COL4A3: variants seen among roughly 807,000 people sequenced by gnomAD.
The protein encoded by COL4A3 is collagen alpha-3(IV) chain.
Under a neutral mutation model 217.4 loss-of-function variants are expected in COL4A3, and 135 were observed. The observed-to-expected ratio is 0.62, with a 90% confidence interval of 0.54 to 0.72. COL4A3 has a LOEUF of 0.72. COL4A3 is among the 30% of genes least tolerant of loss of function. COL4A3 has a pLI of 0.00. For missense variants in COL4A3, 1,868 were observed against 2,119.9 expected, an observed-to-expected ratio of 0.88 and a Z score of 2.33; for synonymous variants, 690 against 736.3, an observed-to-expected ratio of 0.94 and a Z score of 1.02.
intron 22 of COL4A3, 58 bp from the exon 23 acceptor site, chr2:227,266,935 G>T (rs2070930181): frequency 8.5e-7 from 1 of 1,169,864 alleles, no homozygotes; most frequent in African/African-American, 1.5e-5. Context: ...GAAAATATTT[G>T]TTCTTTCTGA....
chr2:227,231,812 G>A (rs13419029), intron 1 of COL4A3, among the ~76,000 whole-genome samples: 48,747 of 152,028 alleles, frequency 0.32, 8,248 homozygotes, highest in Non-Finnish European at 0.36. Context: ...GATTATAGGC[G>A]TGAACCCTCG....
chr2:227,304,267 C>T, intron 46 of COL4A3, 123 bp downstream of exon 46: 1 of 1,306,668 alleles, frequency 7.7e-7, no homozygotes, highest in South Asian at 1.2e-5. Context: ...GTGGTTTTCA[C>T]AATCAGTCTT....
intron 1 of COL4A3, among the ~76,000 whole-genome samples, chr2:227,204,733 G>A (rs1023081505): frequency 1.3e-5 from 2 of 152,200 alleles, no homozygotes; most frequent in African/African-American, 4.8e-5. Flanking sequence ...CTCTTAAGCC[G>A]TTCATGCGTA....
intron 38 of COL4A3, chr2:227,293,640 T>C (rs1233594793): frequency 6.4e-6 from 3 of 467,668 alleles, no homozygotes; most frequent in Non-Finnish European, 1.3e-5. Context: ...CAGGCTTCCA[T>C]AGTGAATTCC....
intron 1 of COL4A3, among the ~76,000 whole-genome samples, chr2:227,172,208 A>T (rs1258884425): frequency 1.3e-5 from 2 of 152,170 alleles, no homozygotes; most frequent in Non-Finnish European, 2.9e-5. Flanking sequence ...ATTTCTTGGG[A>T]GACTGCCTTT....
chr2:227,191,406 A>G lies in COL4A3; in HGVS notation c.87+26593A>G, dbSNP rs574366186. 3.3e-5 allele frequency among the ~76,000 whole-genome samples: 5 copies of G among 152,340 alleles called. No homozygotes were observed. The East Asian group carries it at 9.6e-4, about 29-fold the overall frequency. On this transcript the variant is annotated intron_variant, in intron 1 of 51. Transcript: ENST00000396578. The surrounding 1 kb of genome is among the most constrained non-coding windows in gnomAD (Gnocchi z 6.8). ...AGTGGGTGAGGGGGCAGGAAGAACA[A>G]TAAAGAAAGCTAAGAAGTGTTTTGA...
rs373227102 is a variant in COL4A3, at chr2:227,303,035, T to A, written c.3883-3T>A. 1 of 1,597,962 alleles carries A rather than the reference T, an allele frequency of 6.3e-7. No individual in the cohort carries two copies. The highest frequency in any genetic ancestry group is 8.6e-7 in the Non-Finnish European group (1 of 1,165,222). The stretch of plus-strand genomic sequence containing the variant: ...GGTTCTGCTCCCTTTATTTGAAATA[T>A]AGGGAGCACCAGGTACTCCAGGTCT... On this transcript the variant is annotated splice_region_variant and splice_polypyrimidine_tract_variant and intron_variant, in intron 43 of 51. Transcript: ENST00000396578.
At chr2:227,285,606 A>C (rs1412493928) in intron 34 of COL4A3, among the ~76,000 whole-genome samples, 1 of 152,208 alleles carries the variant, frequency 6.6e-6, no homozygotes, top group Non-Finnish European at 1.5e-5. Context: ...AGATTATTTA[A>C]GTAGTGTTAG....
intron 32 of COL4A3, among the ~76,000 whole-genome samples, chr2:227,283,230 C>T (rs186151420): frequency 2.0e-5 from 3 of 152,038 alleles, no homozygotes; most frequent in East Asian, 3.9e-4. Context: ...TATTCTGTTC[C>T]CTCATGGCAT....
Position 227,314,351 on chromosome 2 carries a change from A to T in COL4A3, c.*2481A>T, listed in dbSNP as rs2073835315. The T allele has an allele frequency of 1.3e-5, 2 of 152,664 alleles. No homozygotes were observed. The highest frequency in any genetic ancestry group is 1.3e-4 in the Admixed American group (2 of 15,286). The allele number at this position is 152,664 out of a possible 1,614,324, so 9.5% of individuals were successfully genotyped here. The stretch of plus-strand genomic sequence containing the variant: ...TAGCAGTAAATTATAGCTCATGTGC[A>T]TTATTTTCCAGATAACTTAGCTTAT... On this transcript the variant is annotated 3_prime_UTR_variant, in exon 52 of 52. Coordinates refer to ENST00000396578, the MANE Select transcript of COL4A3 (RefSeq NM_000091.5).
At chr2:227,237,910 C>A in intron 1 of COL4A3, 58 bp from the exon 2 acceptor site, 1 of 1,281,312 alleles carries the variant, frequency 7.8e-7, no homozygotes, top group Non-Finnish European at 1.1e-6. Context: ...TTTACCCTGC[C>A]GGTTGGGATT....
rs1272514166 is a variant in COL4A3, at chr2:227,298,670, T to C, written c.3752-12T>C. 6.2e-7 allele frequency: 1 copy of C among 1,613,694 alleles called. No homozygotes were observed. Among genetic ancestry groups the C allele is most frequent in the Non-Finnish European group, 8.5e-7 (1 of 1,179,788 alleles). On this transcript the variant is annotated splice_polypyrimidine_tract_variant and intron_variant, in intron 42 of 51. Coordinates refer to ENST00000396578, the MANE Select transcript of COL4A3 (RefSeq NM_000091.5). ...CTGGCTGGCAATACTGACAGACTTT[T>C]CATGAATTCAGGTGCGCCTGGTCCC...
intron 37 of COL4A3, 55 bp from the exon 38 acceptor site, chr2:227,293,136 C>T: frequency 1.9e-6 from 3 of 1,609,668 alleles, no homozygotes; most frequent in Non-Finnish European, 2.5e-6. Context: ...ATGCTGAATT[C>T]TTACCACATA....
chr2:227,267,838 A>G (rs1482650825), intron 23 of COL4A3, among the ~76,000 whole-genome samples: 1 of 151,486 alleles, frequency 6.6e-6, no homozygotes, highest in Non-Finnish European at 1.5e-5. Flanking sequence ...CCTGAGGCTT[A>G]AATAAAGGAT....
In COL4A3 at chr2:227,181,877, C is replaced by G. The variant is rs950937337; in HGVS notation, c.87+17064C>G. ...TAATGGGTATAATTTTTTTATACTG[C>G]AAGTTCTCCTTTCCAAATAATAGAC... On this transcript the variant is annotated intron_variant, in intron 1 of 51. Transcript: ENST00000396578. 1.3e-5 allele frequency among the ~76,000 whole-genome samples: 2 copies of G among 152,148 alleles called. 1 individual carries two copies. Among genetic ancestry groups the G allele is most frequent in the Middle Eastern group, 6.8e-3 (2 of 294 alleles).
intron 29 of COL4A3, among the ~76,000 whole-genome samples, 157 bp from the exon 30 acceptor site, chr2:227,280,283 T>G (rs1314236789): frequency 2.6e-5 from 4 of 152,222 alleles, no homozygotes; most frequent in Non-Finnish European, 5.9e-5. Flanking sequence ...TTATTAAACA[T>G]AATCTTACAG....
intron 1 of COL4A3, among the ~76,000 whole-genome samples, chr2:227,195,042 A>G (rs901995880): frequency 5.3e-5 from 8 of 152,126 alleles, no homozygotes; most frequent in Non-Finnish European, 1.0e-4. Context: ...TCTATTAATT[A>G]CCCTTTGAGG....
In COL4A3 at chr2:227,303,072, G is replaced by C; in HGVS notation, c.3917G>C (p.Arg1306Thr). ...GGTACTCCAGGTCTTCCAGGACCCA[G>C]AGGTGATCCTGGATTCCAGGGGTTT... ...APGTPGLPGP[R>T]GDPGFQGFPG... The change falls in exon 44 of 52, where the codon AGA becomes ACA. Residue 1306 changes from arginine to threonine, a missense_variant. Transcript: ENST00000396578. 6.2e-7 allele frequency: 1 copy of C among 1,614,074 alleles called. No homozygotes were observed. Among genetic ancestry groups the C allele is most frequent in the Non-Finnish European group, 8.5e-7 (1 of 1,179,944 alleles).
At chr2:227,206,118 G>A in intron 1 of COL4A3, among the ~76,000 whole-genome samples, 1 of 151,998 alleles carries the variant, frequency 6.6e-6, no homozygotes, top group East Asian at 1.9e-4. Context: ...CTGTTGCCCA[G>A]GCTGAAGTGC....
Sources: allele counts gnomAD v4.1 joint callset (sites outside exome capture counted in the v4.1 genomes callset), GRCh38; gene constraint gnomAD v4.1.1; non-coding constraint Gnocchi (gnomAD v3.1); transcripts MANE v1.5; gene names NCBI Gene and HGNC (gene_info 2026-07-23, HGNC 2026-07-21).